RBFOX1: variants seen among roughly 807,000 people sequenced by gnomAD.
The protein encoded by RBFOX1 is RNA binding protein fox-1 homolog 1.
RBFOX1 carries 8 observed loss-of-function variants against 57.7 expected under a neutral mutation model. That is an observed-to-expected ratio of 0.14 (90% CI 0.08 to 0.25). The LOEUF (loss-of-function observed/expected upper bound fraction) is 0.25, where lower values mean the gene tolerates loss of function less well. Among genes scored for constraint, RBFOX1 ranks in the 10% least tolerant of loss-of-function variants. RBFOX1 has a pLI of 1.00. For synonymous variants in RBFOX1, 326 were observed against 222.4 expected (o/e 1.47, Z -4.15); for missense variants, 611 against 548.5 (o/e 1.11, Z -1.14).
chr16:6,520,514 G>A (rs867999144), intron 2 of RBFOX1, among the ~76,000 whole-genome samples: 10 of 152,096 alleles, frequency 6.6e-5, no homozygotes, highest in African/African-American at 1.2e-4. Flanking sequence ...ATTATTCAAC[G>A]TAACTGCCAT....
chr16:5,443,007 C>T (rs2068130699), intron 1 of RBFOX1, among the ~76,000 whole-genome samples: 1 of 152,162 alleles, frequency 6.6e-6, no homozygotes, highest in Non-Finnish European at 1.5e-5. Flanking sequence ...ATGATGCTGC[C>T]TCAAGCCAAG....
At chr16:5,390,906 C>A (rs995923924) in intron 1 of RBFOX1, among the ~76,000 whole-genome samples, 2 of 152,172 alleles carry the variant, frequency 1.3e-5, no homozygotes, top group Admixed American at 6.5e-5. Context: ...AGAGCATAGG[C>A]TTGGAGAGGG....
intron 1 of RBFOX1, among the ~76,000 whole-genome samples, chr16:6,225,984 A>G (rs1490855491): frequency 6.6e-6 from 1 of 152,150 alleles, no homozygotes; most frequent in South Asian, 2.1e-4. Context: ...AAATCATGGG[A>G]TTGTAACAAT....
intron 1 of RBFOX1, among the ~76,000 whole-genome samples, chr16:6,022,267 T>A (rs527975273): frequency 0.013 from 1,844 of 145,636 alleles, 40 homozygotes; most frequent in African/African-American, 0.042. Flanking sequence ...TTTTTTTTTT[T>A]AATTAGAACA....
intron 4 of RBFOX1, among the ~76,000 whole-genome samples, chr16:7,453,681 G>C (rs9922064): frequency 0.4 from 61,252 of 152,028 alleles, 12,667 homozygotes; most frequent in Non-Finnish European, 0.46. Context: ...CACTGGTCAA[G>C]GTACTGAGGG....
intron 3 of RBFOX1, among the ~76,000 whole-genome samples, chr16:6,965,870 G>T (rs1308725472): frequency 8.5e-6 from 1 of 116,966 alleles, no homozygotes. Context: ...CTGAGGCATG[G>T]GGGGATTAAG....
At chr16:6,720,161 T>C (rs1341125037) in intron 3 of RBFOX1, among the ~76,000 whole-genome samples, 1 of 152,084 alleles carries the variant, frequency 6.6e-6, no homozygotes, top group Non-Finnish European at 1.5e-5. Context: ...GCAAAATATC[T>C]GACACAGGGT....
chr16:6,937,765 G>C (rs907632410), intron 3 of RBFOX1, among the ~76,000 whole-genome samples: 21 of 152,078 alleles, frequency 1.4e-4, no homozygotes, highest in Non-Finnish European at 2.8e-4. Flanking sequence ...AAGTTTTATC[G>C]TGTGGATGTA....
At chr16:7,135,873 A>T (rs1432962979) in intron 4 of RBFOX1, among the ~76,000 whole-genome samples, 3 of 152,250 alleles carry the variant, frequency 2.0e-5, no homozygotes, top group African/African-American at 4.8e-5. Flanking sequence ...AATTCAAAGA[A>T]AGCTCTGTTT....
intron 4 of RBFOX1, among the ~76,000 whole-genome samples, chr16:7,358,160 G>T (rs779990172): frequency 2.0e-5 from 3 of 152,190 alleles, no homozygotes; most frequent in African/African-American, 7.2e-5. Context: ...TTGTGTATCT[G>T]TTATCATCCT....
rs1034095442 is a variant in RBFOX1, at chr16:5,865,355, G to T, written c.319-1948G>T. ...AGTCCTGAACGGGCGCCAGGAATGA[G>T]GGAGGGGAGGGAAGGTTCCAAACTC... On this transcript the variant is annotated intron_variant, in intron 3 of 19. Transcript: ENST00000641259. 6.6e-5 allele frequency among the ~76,000 whole-genome samples: 10 copies of T among 152,310 alleles called. No homozygotes were observed. In the South Asian group the frequency reaches 2.1e-3, roughly 32 times the overall value.
intron 3 of RBFOX1, among the ~76,000 whole-genome samples, chr16:5,856,020 C>A (rs1346911817): frequency 2.8e-5 from 3 of 105,688 alleles, no homozygotes; most frequent in Non-Finnish European, 5.9e-5. Context: ...AGATTACTTT[C>A]CTAATTTTCT....
intron 4 of RBFOX1, among the ~76,000 whole-genome samples, chr16:5,874,785 A>C: frequency 6.6e-6 from 1 of 152,138 alleles, no homozygotes; most frequent in East Asian, 1.9e-4. Flanking sequence ...CTCTCCAAAC[A>C]ATTTAGAAAA....
At chr16:7,028,491 G>T (rs763046404) in intron 3 of RBFOX1, among the ~76,000 whole-genome samples, 7 of 151,424 alleles carry the variant, frequency 4.6e-5, no homozygotes, top group Non-Finnish European at 1.0e-4. Flanking sequence ...GGAGGCTGAG[G>T]CAGGAGAATC....
intron 3 of RBFOX1, among the ~76,000 whole-genome samples, chr16:6,864,471 A>G (rs1456974051): frequency 6.6e-6 from 1 of 152,166 alleles, no homozygotes; most frequent in Non-Finnish European, 1.5e-5. Context: ...AAAAGTATAA[A>G]TGACATAATC....
At chr16:7,217,880 A>G (rs1567752606) in intron 4 of RBFOX1, among the ~76,000 whole-genome samples, 1 of 149,496 alleles carries the variant, frequency 6.7e-6, no homozygotes, top group Admixed American at 6.7e-5. Context: ...GCGTGTGTGC[A>G]TGTGTGTGCA....
intron 4 of RBFOX1, among the ~76,000 whole-genome samples, chr16:7,144,417 C>CTTTT (rs1190886141): frequency 0.023 from 1,545 of 66,974 alleles, 83 homozygotes; most frequent in African/African-American, 0.077. Flanking sequence ...TTTCTTTCTT[C>CTTTT]TTTTTTTTTT....
intron 1 of RBFOX1, among the ~76,000 whole-genome samples, chr16:6,048,315 C>G (rs1408425803): frequency 4.6e-5 from 7 of 152,158 alleles, no homozygotes. Context: ...AGTCAGATTT[C>G]TTTCCAATTA....
intron 2 of RBFOX1, among the ~76,000 whole-genome samples, chr16:6,542,938 G>C (rs369762233): frequency 1.6e-4 from 24 of 152,136 alleles, no homozygotes; most frequent in African/African-American, 5.5e-4. Context: ...AGTTAGAAGG[G>C]GCGTCTGTCT....
Sources: allele counts gnomAD v4.1 joint callset (sites outside exome capture counted in the v4.1 genomes callset), GRCh38; gene constraint gnomAD v4.1.1; transcripts MANE v1.5; gene names NCBI Gene and HGNC (gene_info 2026-07-23, HGNC 2026-07-21).